The following NOTCH4 variants were observed in gnomAD, a reference collection of about 807,000 sequenced individuals.
NOTCH4 encodes the protein notch receptor 4.
In NOTCH4, 138 loss-of-function variants were observed where a neutral mutation model predicts 189.0. The ratio of observed to expected loss-of-function variants is 0.73; its 90% CI spans 0.64 to 0.84. The LOEUF is 0.84. Ranked by LOEUF, NOTCH4 falls within the 40% of genes least tolerant of loss-of-function variation. The probability of loss-of-function intolerance (pLI) is 0.00; values close to 1 mark genes in which losing one functional copy is unlikely to be tolerated. For synonymous variants in NOTCH4, 942 were observed against 1,032.8 expected, an observed-to-expected ratio of 0.91 and a Z score of 1.69; for missense variants, 2,286 against 2,605.4, an observed-to-expected ratio of 0.88 and a Z score of 2.67.
rs1381800986 is a variant in NOTCH4, at chr6:32,223,796, C to G, written c.73+60G>C. 8 of 1,549,340 alleles carry G rather than the reference C, an allele frequency of 5.2e-6. No homozygotes were observed. The East Asian group carries it at 1.8e-4, about 36-fold the overall frequency. The stretch of plus-strand genomic sequence containing the variant: ...CTGGGGCTTGGCCCTCTTCCCCCAC[C>G]CCACTGATCATCCTCCTAAGGGAGC... On this transcript the variant is annotated intron_variant, in intron 1 of 29. Coordinates refer to ENST00000375023, the MANE Select transcript of NOTCH4 (RefSeq NM_004557.4).
At position 32,201,374 on chromosome 6, in the gene NOTCH4, C is replaced by T; in HGVS notation, c.3882G>A (p.Gly1294=). The part of the protein sequence containing the change: ...CRPEDGDPEW[G]PSLALLVVLS... ...GTACCACCAGCAGGGCCAGGGAGGG[C>T]CCCCACTCTGGGTCCCCATCTTCAG... is the stretch of plus-strand genomic sequence containing the variant. The change falls in exon 22 of 30, where the codon GGG becomes GGA. Residue 1294 remains glycine (G), a synonymous_variant. Coordinates refer to ENST00000375023, the MANE Select transcript of NOTCH4 (RefSeq NM_004557.4). The surrounding 1 kb of genome is among the most constrained non-coding windows in gnomAD (Gnocchi z 5.5). 2 of 1,594,054 alleles carry T rather than the reference C, an allele frequency of 1.3e-6. No homozygotes were observed. Among genetic ancestry groups the T allele is most frequent in the South Asian group, 1.1e-5 (1 of 88,642 alleles).
chr6:32,207,762 G>A (rs1788780109), intron 18 of NOTCH4, among the ~76,000 whole-genome samples: 1 of 151,844 alleles, frequency 6.6e-6, no homozygotes, highest in African/African-American at 2.4e-5. Context: ...GGCACGGTGG[G>A]TCACACCTGT....
At chr6:32,205,221 G>A (rs1788597904) in intron 18 of NOTCH4, among the ~76,000 whole-genome samples, 1 of 151,644 alleles carries the variant, frequency 6.6e-6, no homozygotes, top group Non-Finnish European at 1.5e-5. Context: ...AGGAACAGGT[G>A]ATGGGGGTGT....
At position 32,198,012 on chromosome 6, in the gene NOTCH4, G is replaced by A. The variant is rs1788067675; in HGVS notation, c.4756+409C>T. On this transcript the variant is annotated intron_variant, in intron 26 of 29. Coordinates refer to ENST00000375023, the MANE Select transcript of NOTCH4 (RefSeq NM_004557.4). The surrounding 1 kb of genome is among the most constrained non-coding windows in gnomAD (Gnocchi z 5.5). The stretch of plus-strand genomic sequence containing the variant: ...AATTTTTTGTATTTTTAGTAGAGAC[G>A]GGGTTTCACTGTGTTAGCCAGGATG... 6.6e-6 allele frequency among the ~76,000 whole-genome samples: 1 copy of A among 151,470 alleles called. No individual in the cohort carries two copies. The highest frequency in any genetic ancestry group is 6.6e-5 in the Admixed American group (1 of 15,220).
intron 3 of NOTCH4, 146 bp downstream of exon 3, chr6:32,222,365 G>A: frequency 1.6e-6 from 1 of 640,896 alleles, no homozygotes; most frequent in Non-Finnish European, 2.5e-6. Context: ...TGGGTAAGTG[G>A]ATTGCCAAGA....
In NOTCH4 at chr6:32,200,834, T is replaced by TCCCTGCATGAGGGTGGA; in HGVS notation, c.4295_4311dup (p.Thr1438SerfsTer26). ...AAAGTGGCAAGGGGTCACCTACCGG[T>TCCCTGCATGAGGGTGGA]CCCTGCATGAGGGTGGACAGCCAGC... On this transcript the variant is annotated frameshift_variant, in exon 23 of 30. Coordinates refer to ENST00000375023, the MANE Select transcript of NOTCH4 (RefSeq NM_004557.4). LOFTEE classifies it high-confidence loss of function. The surrounding 1 kb of genome is among the most constrained non-coding windows in gnomAD (Gnocchi z 5.0). The TCCCTGCATGAGGGTGGA allele has an allele frequency of 6.2e-7, 1 of 1,600,722 alleles. No individual in the cohort carries two copies. Among genetic ancestry groups the TCCCTGCATGAGGGTGGA allele is most frequent in the Non-Finnish European group, 8.5e-7 (1 of 1,174,226 alleles).
chr6:32,199,403 C>CTT lies in NOTCH4; in HGVS notation c.4316-259_4316-258insAA, dbSNP rs1561916126. Among the ~76,000 whole-genome samples, 1 of 152,172 alleles carries CTT rather than the reference C, an allele frequency of 6.6e-6. No individual in the cohort carries two copies. ...CCAACATGGCAAAACCCCCTCTCTACTAAAAATATAAAAATTAGTGGCTGG... is the reference window on the plus strand; with the variant it reads ...CCAACATGGCAAAACCCCCTCTCTACTTTAAAAATATAAAAATTAGTGGCTGG... On this transcript the variant is annotated intron_variant, in intron 23 of 29. Coordinates refer to ENST00000375023, the MANE Select transcript of NOTCH4 (RefSeq NM_004557.4). The surrounding 1 kb of genome is among the most constrained non-coding windows in gnomAD (Gnocchi z 4.9).
chr6:32,217,317 GCACAGCATGGCGC>G lies in NOTCH4; in HGVS notation c.1625-64_1625-52del. On this transcript the variant is annotated intron_variant, in intron 9 of 29. Transcript: ENST00000375023. The surrounding 1 kb of genome is among the most constrained non-coding windows in gnomAD (Gnocchi z 4.2). Reference sequence around the variant, plus strand: ...GAGGAGGCCAAGGTCATCGAGGGAGGCACAGCATGGCGCCTTCCCTTGCCAGGAAAGGTGAACT... The same window carrying G: ...GAGGAGGCCAAGGTCATCGAGGGAGGCTTCCCTTGCCAGGAAAGGTGAACT... The G allele has an allele frequency of 1.7e-6, 2 of 1,170,414 alleles. No individual in the cohort carries two copies. The highest frequency in any genetic ancestry group is 2.5e-5 in the South Asian group (2 of 79,974). The allele number at this position is 1,170,414 out of a possible 1,614,324, so 72.5% of individuals were successfully genotyped here.
At chr6:32,214,072 A>T (rs1325013350) in intron 13 of NOTCH4, 38 bp downstream of exon 13, 7 of 1,580,738 alleles carry the variant, frequency 4.4e-6, no homozygotes, top group Non-Finnish European at 6.0e-6. Flanking sequence ...ATAGGGGGTG[A>T]CCAGCACAGG....
intron 28 of NOTCH4, 146 bp downstream of exon 28, chr6:32,196,779 C>A: frequency 9.3e-7 from 1 of 1,075,310 alleles, no homozygotes; most frequent in Non-Finnish European, 1.4e-6. Flanking sequence ...ACTCACGCGG[C>A]CCGTACTTCC....
At position 32,223,870 on chromosome 6, in the gene NOTCH4, AC is replaced by A. The variant is rs1377657636; in HGVS notation, c.58del (p.Val20TrpfsTer23). On this transcript the variant is annotated frameshift_variant, in exon 1 of 30. Transcript: ENST00000375023. LOFTEE classifies it high-confidence loss of function. ...LLLLLLLCVS[V>X]VRPRGLLCGS... ...CCATGCCTCACCTCTGGGTCTGACC[AC>A]TGAGACACATAGCAGCAGCAGCAGC... The A allele has an allele frequency of 6.2e-7, 1 of 1,602,240 alleles. No homozygotes were observed.
intron 8 of NOTCH4, among the ~76,000 whole-genome samples, 195 bp downstream of exon 8, chr6:32,219,397 T>A (rs1789607703): frequency 6.6e-6 from 1 of 152,182 alleles, no homozygotes; most frequent in Non-Finnish European, 1.5e-5. Context: ...ATGCATAACC[T>A]CACTACCATC....
In NOTCH4 at chr6:32,198,633, G is replaced by C; in HGVS notation, c.4617+16C>G. The stretch of plus-strand genomic sequence containing the variant: ...CTTCCATCACCTCCAGACCATTCTT[G>C]CCCCAGCCCTTTCACCTGGCCCACC... On this transcript the variant is annotated intron_variant, in intron 25 of 29. Coordinates refer to ENST00000375023, the MANE Select transcript of NOTCH4 (RefSeq NM_004557.4). The surrounding 1 kb of genome is among the most constrained non-coding windows in gnomAD (Gnocchi z 5.5). 1 of 1,611,052 alleles carries C rather than the reference G, an allele frequency of 6.2e-7. No individual in the cohort carries two copies. Among genetic ancestry groups the C allele is most frequent in the Non-Finnish European group, 8.5e-7 (1 of 1,178,984 alleles).
chr6:32,214,939 G>A (rs1012997610), intron 12 of NOTCH4, among the ~76,000 whole-genome samples: 1 of 152,098 alleles, frequency 6.6e-6, no homozygotes, highest in Non-Finnish European at 1.5e-5. Flanking sequence ...CCTGGCCTCA[G>A]CAGATATTTT....
At chr6:32,223,826 T>G in intron 1 of NOTCH4, 30 bp downstream of exon 1, 1 of 1,595,880 alleles carries the variant, frequency 6.3e-7, no homozygotes. Context: ...GGGAGCTGGG[T>G]CCCCTCACCT....
chr6:32,210,742 A>G lies in NOTCH4; in HGVS notation c.2865+10T>C. Reference sequence around the variant, plus strand: ...GTCTTTCCTCCCCCTTCTCCTGCAGACCCTCTCACCTGGCAGAGATACCCA... The same window carrying G: ...GTCTTTCCTCCCCCTTCTCCTGCAGGCCCTCTCACCTGGCAGAGATACCCA... On this transcript the variant is annotated intron_variant, in intron 18 of 29. Transcript: ENST00000375023. The surrounding 1 kb of genome is among the most constrained non-coding windows in gnomAD (Gnocchi z 4.8). 1 of 1,611,322 alleles carries G rather than the reference A, an allele frequency of 6.2e-7. No individual in the cohort carries two copies. Among genetic ancestry groups the G allele is most frequent in the Non-Finnish European group, 8.5e-7 (1 of 1,179,730 alleles).
chr6:32,203,341 A>T, intron 20 of NOTCH4: 1 of 165,814 alleles, frequency 6.0e-6, no homozygotes, highest in Non-Finnish European at 1.3e-5. Context: ...GGTTAGGTTC[A>T]TGGGTGTTAC....
Position 32,195,225 on chromosome 6 carries a change from C to A in NOTCH4, c.*212G>T, listed in dbSNP as rs911115905. 1.7e-6 allele frequency: 1 copy of A among 572,684 alleles called. No homozygotes were observed. Among genetic ancestry groups the A allele is most frequent in the Non-Finnish European group, 3.0e-6 (1 of 330,156 alleles). 35.5% of individuals were successfully genotyped at this position (572,684 alleles called of 1,614,324 possible). On this transcript the variant is annotated 3_prime_UTR_variant, in exon 30 of 30. Transcript: ENST00000375023. The surrounding 1 kb of genome is among the most constrained non-coding windows in gnomAD (Gnocchi z 5.4). ...TCTTATTTTCTGGAGGAGGACTGGGCCTGCCTCATCCTAGCATCTTAAACC... is the reference window on the plus strand; with the variant it reads ...TCTTATTTTCTGGAGGAGGACTGGGACTGCCTCATCCTAGCATCTTAAACC...
Position 32,204,333 on chromosome 6 carries a change from GGACT to G in NOTCH4, c.2918_2921del (p.Gln973ProfsTer74). Reference sequence around the variant, plus strand: ...AGGTTCCATGGTTGTGACAGGGTTGGGACTGACAAGCATCGAGTTCCTTTGAGCA... The same window carrying G: ...AGGTTCCATGGTTGTGACAGGGTTGGGACAAGCATCGAGTTCCTTTGAGCA... On this transcript the variant is annotated frameshift_variant, in exon 19 of 30. Coordinates refer to ENST00000375023, the MANE Select transcript of NOTCH4 (RefSeq NM_004557.4). LOFTEE classifies it high-confidence loss of function. 6.2e-7 allele frequency: 1 copy of G among 1,613,078 alleles called. No homozygotes were observed. Among genetic ancestry groups the G allele is most frequent in the Non-Finnish European group, 8.5e-7 (1 of 1,180,034 alleles).
Sources: gnomAD v4.1 joint callset for allele counts (sites outside exome capture counted in the v4.1 genomes callset) on GRCh38, gnomAD v4.1.1 for gene constraint, Gnocchi (gnomAD v3.1) non-coding constraint, MANE v1.5 for transcripts, NCBI Gene and HGNC (gene_info 2026-07-23, HGNC 2026-07-21) for gene names.